Variants in DLEU7 observed in about 807,000 individuals in gnomAD.
The protein encoded by DLEU7 is leukemia-associated protein 7.
A neutral mutation model predicts 16.0 loss-of-function variants in DLEU7; 17 were observed. The ratio of observed to expected loss-of-function variants is 1.06; its 90% CI spans 0.73 to 1.59. The LOEUF is 1.59. Ranked by LOEUF, DLEU7 falls within the 40% of genes most tolerant of loss-of-function variation. DLEU7 has a pLI of 0.00. For missense variants in DLEU7, 308 were observed against 314.9 expected (o/e 0.98, Z 0.17); for synonymous variants, 113 against 139.8 (o/e 0.81, Z 1.35).
At chr13:50,718,142 A>G (rs1873491292) in intron 1 of DLEU7, among the ~76,000 whole-genome samples, 1 of 152,200 alleles carries the variant, frequency 6.6e-6, no homozygotes, top group Admixed American at 6.5e-5. Flanking sequence ...ACTAATTTAA[A>G]TGTATCAATG....
At chr13:50,770,487 G>A (rs1359748570) in intron 1 of DLEU7, among the ~76,000 whole-genome samples, 1 of 152,184 alleles carries the variant, frequency 6.6e-6, no homozygotes, top group African/African-American at 2.4e-5. Flanking sequence ...ATGAAGCGCT[G>A]TTGAATTTTG....
intron 1 of DLEU7, among the ~76,000 whole-genome samples, chr13:50,734,751 A>G (rs1294623222): frequency 6.6e-6 from 1 of 152,198 alleles, no homozygotes; most frequent in African/African-American, 2.4e-5. Context: ...CATGCATACT[A>G]CTGGAATCCT....
At chr13:50,730,899 T>C (rs944028906) in intron 1 of DLEU7, among the ~76,000 whole-genome samples, 1 of 152,178 alleles carries the variant, frequency 6.6e-6, no homozygotes, top group African/African-American at 2.4e-5. Context: ...GCTGATTCAC[T>C]GACTTCCTAG....
intron 1 of DLEU7, among the ~76,000 whole-genome samples, chr13:50,714,958 T>A (rs1873398702): frequency 6.6e-6 from 1 of 152,236 alleles, no homozygotes; most frequent in South Asian, 2.1e-4. Flanking sequence ...AATCAAGGTG[T>A]TGGCCAGGCT....
chr13:50,756,755 T>A (rs190334464), intron 1 of DLEU7, among the ~76,000 whole-genome samples: 1 of 152,276 alleles, frequency 6.6e-6, no homozygotes, highest in Admixed American at 6.5e-5. Context: ...GGGTTCAAAT[T>A]TTTTCAAATT....
chr13:50,746,447 A>G (rs923616346), intron 1 of DLEU7, among the ~76,000 whole-genome samples: 7 of 152,304 alleles, frequency 4.6e-5, no homozygotes, highest in Admixed American at 3.3e-4. Context: ...ACAGGTGTCA[A>G]TGGATAAATT....
intron 1 of DLEU7, among the ~76,000 whole-genome samples, chr13:50,729,828 A>G (rs986578600): frequency 6.6e-6 from 1 of 152,126 alleles, no homozygotes; most frequent in Non-Finnish European, 1.5e-5. Context: ...GGCCACGCAT[A>G]CATCTTCTTT....
At chr13:50,781,635 C>A (rs1045042789) in intron 1 of DLEU7, among the ~76,000 whole-genome samples, 1 of 152,188 alleles carries the variant, frequency 6.6e-6, no homozygotes, top group Non-Finnish European at 1.5e-5. Context: ...CTTTTTATGG[C>A]TCCTTATCAT....
At chr13:50,791,218 G>T (rs1465907596) in intron 1 of DLEU7, among the ~76,000 whole-genome samples, 5 of 152,188 alleles carry the variant, frequency 3.3e-5, no homozygotes. Flanking sequence ...CCCTGGGCTT[G>T]GCTGGGCTCT....
At chr13:50,786,496 G>A (rs934906483) in intron 1 of DLEU7, among the ~76,000 whole-genome samples, 3 of 152,150 alleles carry the variant, frequency 2.0e-5, no homozygotes, top group African/African-American at 7.2e-5. Context: ...TTTGTTAAAT[G>A]AAATAAATAC....
chr13:50,829,859 C>G (rs1426822834), intron 1 of DLEU7, among the ~76,000 whole-genome samples: 1 of 152,166 alleles, frequency 6.6e-6, no homozygotes, highest in African/African-American at 2.4e-5. Context: ...TTCGACCAAA[C>G]TTCTGCTGAG....
At chr13:50,717,637 T>C (rs1452113391) in intron 1 of DLEU7, among the ~76,000 whole-genome samples, 1 of 150,612 alleles carries the variant, frequency 6.6e-6, no homozygotes, top group Non-Finnish European at 1.5e-5. Flanking sequence ...GAGCAGGGAG[T>C]CCATAAATCA....
chr13:50,752,868 G>T (rs1404957424), intron 1 of DLEU7, among the ~76,000 whole-genome samples: 1 of 152,132 alleles, frequency 6.6e-6, no homozygotes, highest in Non-Finnish European at 1.5e-5. Context: ...GCCACTGCTG[G>T]CTCAGGCAGC....
chr13:50,756,695 C>T (rs1336775474), intron 1 of DLEU7, among the ~76,000 whole-genome samples: 3 of 152,172 alleles, frequency 2.0e-5, no homozygotes, highest in African/African-American at 7.2e-5. Flanking sequence ...GTGGAGTCTA[C>T]ACACCAGATT....
At chr13:50,716,653 T>A (rs1418335689) in intron 1 of DLEU7, among the ~76,000 whole-genome samples, 2 of 152,220 alleles carry the variant, frequency 1.3e-5, no homozygotes, top group African/African-American at 4.8e-5. Flanking sequence ...AACAACAATG[T>A]CTCCCCTGCC....
At chr13:50,842,649 T>C (rs1333186452) in intron 1 of DLEU7, among the ~76,000 whole-genome samples, 1 of 152,200 alleles carries the variant, frequency 6.6e-6, no homozygotes, top group East Asian at 1.9e-4. Flanking sequence ...TTTATGAGAA[T>C]GTAGGTTGAC....
intron 1 of DLEU7, among the ~76,000 whole-genome samples, chr13:50,830,361 G>C (rs1206963486): frequency 6.6e-6 from 1 of 152,160 alleles, no homozygotes; most frequent in Non-Finnish European, 1.5e-5. Flanking sequence ...CACATGACTG[G>C]ATAAAAGGCA....
rs752374364 is a variant in DLEU7 at position 50,739,827 on chromosome 13, G to C, written c.460-26587C>G. Among the ~76,000 whole-genome samples the C allele has an allele frequency of 4.6e-5, 7 of 152,190 alleles. No individual in the cohort carries two copies. In the East Asian group the frequency reaches 9.6e-4, roughly 21 times the overall value. On this transcript the variant is annotated intron_variant, in intron 1 of 1. Transcript: ENST00000400393. ...TATCAGCACAGTCCAACCCTACCTAGTCCCTTTTGGCCAAATGCTTAGATA... is the reference window on the plus strand; with the variant it reads ...TATCAGCACAGTCCAACCCTACCTACTCCCTTTTGGCCAAATGCTTAGATA...
intron 1 of DLEU7, among the ~76,000 whole-genome samples, chr13:50,765,643 G>A (rs1214806572): frequency 1.3e-5 from 2 of 151,972 alleles, no homozygotes; most frequent in Non-Finnish European, 2.9e-5. Context: ...AAATGTGAAG[G>A]AGGAAAGAAG....
Sources: gnomAD v4.1 joint callset for allele counts (sites outside exome capture counted in the v4.1 genomes callset) on GRCh38, gnomAD v4.1.1 for gene constraint, MANE v1.5 for transcripts, NCBI Gene and HGNC (gene_info 2026-07-23, HGNC 2026-07-21) for gene names.